ATXN2: variants seen among roughly 807,000 people sequenced by gnomAD.
The protein encoded by ATXN2 is ataxin 2, also known as ataxin-2.
In ATXN2, 37 loss-of-function variants were observed where a neutral mutation model predicts 138.6. That is an observed-to-expected ratio of 0.27 (90% confidence interval 0.21 to 0.35). The LOEUF (loss-of-function observed/expected upper bound fraction) is 0.35. Among genes scored for constraint, ATXN2 ranks in the 10% least tolerant of loss-of-function variants. The probability of loss-of-function intolerance (pLI) is 1.00; values close to 1 mark genes in which losing one functional copy is unlikely to be tolerated. For missense variants in ATXN2, 1,216 were observed against 1,480.3 expected (o/e 0.82, Z 2.93); for synonymous variants, 549 against 543.7 (o/e 1.01, Z -0.13).
At chr12:111,485,140 A>G in intron 18 of ATXN2, 125 bp downstream of exon 18, 1 of 811,928 alleles carries the variant, frequency 1.2e-6, no homozygotes, top group Non-Finnish European at 2.0e-6. Context: ...TTGTTCATCA[A>G]AAGCCAATGC....
chr12:111,597,769 G>A (rs754038658), intron 1 of ATXN2: 7 of 1,032,638 alleles, frequency 6.8e-6, no homozygotes, highest in African/African-American at 3.3e-5. Flanking sequence ...TCAGGAACCC[G>A]ACCACGTCCC....
chr12:111,468,387 C>A (rs748646041), intron 20 of ATXN2: 1 of 152,122 alleles, frequency 6.6e-6, no homozygotes, highest in African/African-American at 2.4e-5. Context: ...ATTTAAAATG[C>A]GTAATCCACA....
In ATXN2 at chr12:111,452,659, G is replaced by A; in HGVS notation, c.*153C>T. Reference sequence around the variant, plus strand: ...TCGGTCCAAGTATCTTCCACTGCAAGTGAACTGTTAGCATTCCTATTGGAT... The same window carrying A: ...TCGGTCCAAGTATCTTCCACTGCAAATGAACTGTTAGCATTCCTATTGGAT... On this transcript the variant is annotated 3_prime_UTR_variant, in exon 25 of 25. Coordinates refer to ENST00000673436, the MANE Select transcript of ATXN2 (RefSeq NM_001372574.1). 1.1e-6 allele frequency: 1 copy of A among 889,708 alleles called. No homozygotes were observed. Among genetic ancestry groups the A allele is most frequent in the Non-Finnish European group, 1.8e-6 (1 of 557,886 alleles). 55.1% of individuals were successfully genotyped at this position (889,708 alleles called of 1,614,324 possible). A position where few individuals can be genotyped will look rare whatever the true frequency, so the allele number is the denominator to read the frequency against.
intron 1 of ATXN2, chr12:111,597,898 G>A: frequency 7.8e-7 from 1 of 1,283,918 alleles, no homozygotes; most frequent in Non-Finnish European, 1.0e-6. Flanking sequence ...GTCCAGCCTG[G>A]GTCCAGCCCT....
At position 111,525,333 on chromosome 12, in the gene ATXN2, T is replaced by C; in HGVS notation, c.572-17A>G. ...TAAAAGCATCTGCAAAGAATGGTTT[T>C]GGTTGAAAGTTTATATAATCTGGCA... On this transcript the variant is annotated splice_polypyrimidine_tract_variant and intron_variant, in intron 5 of 24. Transcript: ENST00000673436. The C allele has an allele frequency of 6.5e-7, 1 of 1,544,614 alleles. No individual in the cohort carries two copies. Among genetic ancestry groups the C allele is most frequent in the South Asian group, 1.3e-5 (1 of 78,900 alleles).
intron 1 of ATXN2, among the ~76,000 whole-genome samples, chr12:111,589,798 G>C (rs1358307306): frequency 6.6e-6 from 1 of 151,840 alleles, no homozygotes; most frequent in Non-Finnish European, 1.5e-5. Context: ...GCATGCCTGT[G>C]GTCCCAGCTA....
rs571572710 is a variant in ATXN2, at chr12:111,566,646, T to C, written c.252-10727A>G. On this transcript the variant is annotated intron_variant, in intron 1 of 24. Coordinates refer to ENST00000673436, the MANE Select transcript of ATXN2 (RefSeq NM_001372574.1). The stretch of plus-strand genomic sequence containing the variant: ...TAGAGGAAATTGCTTTTCTTTTTTT[T>C]TTTTTTTAAGATAGAGTTTCGCTCC... Among the ~76,000 whole-genome samples, 47 of 151,626 alleles carry C rather than the reference T, an allele frequency of 3.1e-4. 2 individuals are homozygous for C. The highest frequency in any genetic ancestry group is 2.9e-3 in the Admixed American group (44 of 15,194).
intron 6 of ATXN2, among the ~76,000 whole-genome samples, chr12:111,521,694 G>A (rs987430100): frequency 1.1e-4 from 16 of 152,136 alleles, no homozygotes; most frequent in African/African-American, 3.9e-4. Flanking sequence ...CCTCAGCATA[G>A]GTAACTCCAC....
At chr12:111,476,450 T>TACAATAAG (rs1876820567) in intron 18 of ATXN2, among the ~76,000 whole-genome samples, 1 of 148,660 alleles carries the variant, frequency 6.7e-6, no homozygotes, top group African/African-American at 2.5e-5. Context: ...AATGCACCAG[T>TACAATAAG]ACAATAAGAC....
At chr12:111,511,631 A>G (rs755650404) in intron 11 of ATXN2, 1 of 151,884 alleles carries the variant, frequency 6.6e-6, no homozygotes, top group Non-Finnish European at 1.5e-5. Context: ...ATGCCCAGCT[A>G]ATTTTTGTAT....
intron 23 of ATXN2, 100 bp downstream of exon 23, chr12:111,455,929 G>T: frequency 1.8e-6 from 2 of 1,135,666 alleles, no homozygotes; most frequent in Non-Finnish European, 2.7e-6. Flanking sequence ...CAAATGGCAT[G>T]ACACACAGGG....
chr12:111,471,832 G>A (rs534383304), intron 18 of ATXN2: 1 of 151,938 alleles, frequency 6.6e-6, no homozygotes, highest in South Asian at 2.1e-4. Flanking sequence ...TGCTAACTGA[G>A]CTTAAACTAT....
chr12:111,506,933 C>A (rs994372863), intron 14 of ATXN2, among the ~76,000 whole-genome samples: 6 of 152,074 alleles, frequency 3.9e-5, no homozygotes, highest in African/African-American at 7.2e-5. Flanking sequence ...CCCGAGGTGC[C>A]GGGATTGCAG....
At chr12:111,553,549 A>C (rs1168505289) in intron 3 of ATXN2, among the ~76,000 whole-genome samples, 1 of 127,610 alleles carries the variant, frequency 7.8e-6, no homozygotes, top group Non-Finnish European at 1.6e-5. Flanking sequence ...TTTGGTTCAG[A>C]CGCAACCATG....
intron 9 of ATXN2, among the ~76,000 whole-genome samples, chr12:111,517,519 T>C (rs927417805): frequency 6.6e-6 from 1 of 152,184 alleles, no homozygotes; most frequent in African/African-American, 2.4e-5. Context: ...AACATACTAT[T>C]GCTATTACTA....
intron 1 of ATXN2, among the ~76,000 whole-genome samples, chr12:111,571,653 C>A (rs956834507): frequency 1.3e-5 from 2 of 152,032 alleles, no homozygotes; most frequent in Non-Finnish European, 2.9e-5. Context: ...AAATGGAGTT[C>A]TATTAGGGGT....
chr12:111,570,328 C>A (rs762407787), intron 1 of ATXN2, among the ~76,000 whole-genome samples: 1 of 152,142 alleles, frequency 6.6e-6, no homozygotes, highest in East Asian at 1.9e-4. Context: ...GCTGAAACAA[C>A]GTTGGCCATT....
At chr12:111,488,383 G>A in intron 15 of ATXN2, 93 bp downstream of exon 15, 1 of 1,332,368 alleles carries the variant, frequency 7.5e-7, no homozygotes, top group Non-Finnish European at 1.0e-6. Flanking sequence ...TAAAAGTCCA[G>A]ATGGATTCTT....
intron 1 of ATXN2, among the ~76,000 whole-genome samples, chr12:111,595,264 CAAAAAG>C (rs1439548234): frequency 6.6e-6 from 1 of 152,064 alleles, no homozygotes; most frequent in Admixed American, 6.6e-5. Flanking sequence ...TACACTGAAG[CAAAAAG>C]CTATTTAAAA....
Sources: allele counts gnomAD v4.1 joint callset (sites outside exome capture counted in the v4.1 genomes callset), GRCh38; gene constraint gnomAD v4.1.1; transcripts MANE v1.5; gene names NCBI Gene and HGNC (gene_info 2026-07-23, HGNC 2026-07-21).